Variants in SNTG2 observed in about 807,000 individuals in gnomAD.
SNTG2 encodes the protein gamma-2-syntrophin.
Under a neutral mutation model 70.9 loss-of-function variants are expected in SNTG2, and 74 were observed. The observed-to-expected ratio is 1.04, with a 90% CI of 0.86 to 1.27. SNTG2 has a LOEUF of 1.27. SNTG2 is among the 50% of genes most tolerant of loss of function. The pLI is 0.00. For missense variants in SNTG2, 717 were observed against 690.7 expected (o/e 1.04, Z -0.43); for synonymous variants, 278 against 273.8 (o/e 1.02, Z -0.15).
At chr2:998,643 A>G (rs1572206297) in intron 1 of SNTG2, among the ~76,000 whole-genome samples, 1 of 152,170 alleles carries the variant, frequency 6.6e-6, no homozygotes, top group South Asian at 2.1e-4. Flanking sequence ...GGGATTATGT[A>G]AAATATCCAC....
At chr2:1,195,209 G>C (rs1672834645) in intron 8 of SNTG2, among the ~76,000 whole-genome samples, 1 of 152,148 alleles carries the variant, frequency 6.6e-6, no homozygotes, top group African/African-American at 2.4e-5. Flanking sequence ...TGTCTTTATA[G>C]TAGAATTATT....
At chr2:1,273,902 A>G (rs981749292) in intron 14 of SNTG2, among the ~76,000 whole-genome samples, 3 of 152,184 alleles carry the variant, frequency 2.0e-5, no homozygotes, top group Admixed American at 1.3e-4. Flanking sequence ...TGCAAGGCAT[A>G]TAACTGGCAA....
At chr2:1,141,576 G>A (rs986994723) in intron 6 of SNTG2, among the ~76,000 whole-genome samples, 4 of 152,192 alleles carry the variant, frequency 2.6e-5, no homozygotes, top group African/African-American at 9.6e-5. Flanking sequence ...TTTTGCCTGA[G>A]CCAAGAGGCA....
chr2:1,139,317 G>A (rs553801735), intron 6 of SNTG2, among the ~76,000 whole-genome samples: 3 of 152,236 alleles, frequency 2.0e-5, no homozygotes, highest in South Asian at 2.1e-4. Flanking sequence ...CGTAACCTCC[G>A]CCTCCCGGGT....
chr2:1,140,762 T>C (rs1310618329), intron 6 of SNTG2, among the ~76,000 whole-genome samples: 3 of 152,226 alleles, frequency 2.0e-5, no homozygotes, highest in African/African-American at 7.2e-5. Context: ...AGTAAGATAC[T>C]GTAATAGAAA....
At chr2:1,235,712 A>C (rs34380925) in intron 9 of SNTG2, among the ~76,000 whole-genome samples, 47,956 of 151,866 alleles carry the variant, frequency 0.32, 9,006 homozygotes, top group African/African-American at 0.53. Context: ...TGGATCCAGG[A>C]AAAGCTGCCC....
chr2:1,198,473 A>T (rs1032904645), intron 8 of SNTG2, among the ~76,000 whole-genome samples: 1 of 152,066 alleles, frequency 6.6e-6, no homozygotes, highest in Non-Finnish European at 1.5e-5. Context: ...AACGTAAAAA[A>T]AAAAGTCAAG....
chr2:997,061 C>G (rs1661710576), intron 1 of SNTG2, among the ~76,000 whole-genome samples: 1 of 152,126 alleles, frequency 6.6e-6, no homozygotes, highest in Non-Finnish European at 1.5e-5. Flanking sequence ...TCTACAGGTA[C>G]ACAAGGTCTC....
intron 1 of SNTG2, among the ~76,000 whole-genome samples, chr2:965,098 TCTCCTCCTTGGACCCCAGTC>T (rs1293641287): frequency 7.4e-5 from 11 of 148,240 alleles, no homozygotes; most frequent in East Asian, 2.1e-4. Context: ...GGACTCCAGT[TCTCCTCCTTGGACCCCAGTC>T]CTCCTCCTTG....
At chr2:1,016,194 T>C (rs1659885973) in intron 1 of SNTG2, among the ~76,000 whole-genome samples, 1 of 152,198 alleles carries the variant, frequency 6.6e-6, no homozygotes, top group Non-Finnish European at 1.5e-5. Flanking sequence ...GTATAACTGT[T>C]GTCAACAAGT....
intron 1 of SNTG2, among the ~76,000 whole-genome samples, chr2:1,057,006 G>T (rs948312914): frequency 1.3e-5 from 2 of 151,328 alleles, no homozygotes; most frequent in Non-Finnish European, 3.0e-5. Context: ...GGGAGGAGAG[G>T]GCGGCGCAGC....
chr2:1,275,041 T>G (rs1679213225), intron 14 of SNTG2, among the ~76,000 whole-genome samples: 1 of 152,186 alleles, frequency 6.6e-6, no homozygotes, highest in Admixed American at 6.5e-5. Flanking sequence ...ATGAAGTGTG[T>G]CCTGGCTTTA....
At chr2:1,244,948 A>C (rs889643629) in intron 11 of SNTG2, among the ~76,000 whole-genome samples, 8 of 152,130 alleles carry the variant, frequency 5.3e-5, no homozygotes, top group African/African-American at 1.9e-4. Flanking sequence ...GCCATAAAAA[A>C]TGATGAGTTC....
At chr2:1,090,741 C>A (rs1356357490) in intron 2 of SNTG2, among the ~76,000 whole-genome samples, 1 of 152,160 alleles carries the variant, frequency 6.6e-6, no homozygotes, top group Non-Finnish European at 1.5e-5. Context: ...GGGCCGCATG[C>A]ACTGTGTGTT....
intron 14 of SNTG2, among the ~76,000 whole-genome samples, chr2:1,284,776 T>C (rs1249709502): frequency 6.6e-6 from 1 of 152,072 alleles, no homozygotes; most frequent in African/African-American, 2.4e-5. Flanking sequence ...AAAATAGACA[T>C]TTGTGTTTGT....
chr2:1,033,016 A>C (rs1660924421), intron 1 of SNTG2, among the ~76,000 whole-genome samples: 2 of 152,140 alleles, frequency 1.3e-5, no homozygotes, highest in Non-Finnish European at 2.9e-5. Context: ...GAGAGGGGAG[A>C]GATGTCACAC....
chr2:952,225 G>A (rs1659998015), intron 1 of SNTG2, among the ~76,000 whole-genome samples: 1 of 152,108 alleles, frequency 6.6e-6, no homozygotes, highest in South Asian at 2.1e-4. Context: ...AAATATGCGG[G>A]GATTACCTGG....
intron 6 of SNTG2, among the ~76,000 whole-genome samples, chr2:1,138,920 CTG>C (rs1016454307): frequency 6.6e-6 from 1 of 152,184 alleles, no homozygotes; most frequent in African/African-American, 2.4e-5. Context: ...ACGCAGCAGT[CTG>C]TAACTAAACG....
chr2:1,129,712 A>C (rs1047094470), intron 4 of SNTG2, among the ~76,000 whole-genome samples: 3 of 152,190 alleles, frequency 2.0e-5, no homozygotes, highest in African/African-American at 4.8e-5. Flanking sequence ...TGGAAACCTC[A>C]ACCACTTCTG....
Sources: gnomAD v4.1 joint callset for allele counts (sites outside exome capture counted in the v4.1 genomes callset) on GRCh38, gnomAD v4.1.1 for gene constraint, MANE v1.5 for transcripts, NCBI Gene and HGNC (gene_info 2026-07-23, HGNC 2026-07-21) for gene names.